The following NR2C2 variants were observed in gnomAD, a reference collection of about 807,000 sequenced individuals.
NR2C2 encodes the protein nuclear receptor subfamily 2 group C member 2.
NR2C2 carries 6 observed loss-of-function variants against 62.9 expected under a neutral mutation model. The ratio of observed to expected loss-of-function variants is 0.10; its 90% confidence interval spans 0.05 to 0.19. The LOEUF (loss-of-function observed/expected upper bound fraction) is 0.19. Ranked by LOEUF, NR2C2 falls within the 10% of genes least tolerant of loss-of-function variation. The pLI, the probability that NR2C2 is intolerant of heterozygous loss-of-function variation, is 1.00. For synonymous variants in NR2C2, 272 were observed against 273.8 expected (o/e 0.99, Z 0.07); for missense variants, 479 against 762.7 (o/e 0.63, Z 4.38).
At chr3:15,033,830 A>G (rs1404143870) in intron 10 of NR2C2, among the ~76,000 whole-genome samples, 1 of 152,074 alleles carries the variant, frequency 6.6e-6, no homozygotes, top group Non-Finnish European at 1.5e-5. Flanking sequence ...ATGTGCTACC[A>G]CATTTAAAGT....
At chr3:15,039,576 T>G (rs945226864) in intron 13 of NR2C2, among the ~76,000 whole-genome samples, 2 of 152,206 alleles carry the variant, frequency 1.3e-5, no homozygotes, top group Admixed American at 1.3e-4. Flanking sequence ...GGGCTAACAC[T>G]GTACATGAGG....
rs2125114695 is a variant in NR2C2, at chr3:15,045,394, G to C, written c.*2386G>C. 1 of 152,824 alleles carries C rather than the reference G, an allele frequency of 6.5e-6. No individual in the cohort carries two copies. The allele number at this position is 152,824 out of a possible 1,614,324, so 9.5% of individuals were successfully genotyped here. ...GGATAAGGAAGTGTTGGGCTGTGGT[G>C]AAACAACCTTGCAGAAAACGTGATT... is the stretch of plus-strand genomic sequence containing the variant. On this transcript the variant is annotated 3_prime_UTR_variant, in exon 14 of 14. Coordinates refer to ENST00000425241, the MANE Select transcript of NR2C2 (RefSeq NM_001291694.2).
rs1425084055 is a variant in NR2C2 at position 15,043,829 on chromosome 3, G to T, written c.*821G>T. The T allele has an allele frequency of 2.0e-5, 3 of 152,220 alleles. No individual in the cohort carries two copies. Among genetic ancestry groups the T allele is most frequent in the South Asian group, 2.1e-4 (1 of 4,830 alleles). 9.4% of individuals were successfully genotyped at this position (152,220 alleles called of 1,614,324 possible). On this transcript the variant is annotated 3_prime_UTR_variant, in exon 14 of 14. Coordinates refer to ENST00000425241, the MANE Select transcript of NR2C2 (RefSeq NM_001291694.2). ...CTTTGATGACTGGTTATCTGAATTG[G>T]ATTGCAACTAGTCAGACATTAACTG...
At chr3:15,003,299 C>T (rs1002182362) in intron 1 of NR2C2, among the ~76,000 whole-genome samples, 1 of 152,116 alleles carries the variant, frequency 6.6e-6, no homozygotes, top group African/African-American at 2.4e-5. Flanking sequence ...TTCAGATACC[C>T]AGGTGACCAC....
rs367748019 is a variant in NR2C2 at position 15,003,879 on chromosome 3, A to G, written c.-36A>G. 1.1e-5 allele frequency: 17 copies of G among 1,606,980 alleles called. No individual in the cohort carries two copies. Among genetic ancestry groups the G allele is most frequent in the Non-Finnish European group, 1.3e-5 (15 of 1,173,770 alleles). On this transcript the variant is annotated 5_prime_UTR_variant, in exon 2 of 14. Transcript: ENST00000425241. ...CCAGCCCACTTCTCACCCACAGGTA[A>G]CACGTACACAGACCTCTCGGCCGGA...
chr3:14,953,094 T>G (rs2039416978), intron 1 of NR2C2, among the ~76,000 whole-genome samples: 1 of 152,246 alleles, frequency 6.6e-6, no homozygotes. Context: ...GGGAATAGGC[T>G]AGCTCAGACA....
At chr3:14,972,404 A>C (rs912915704) in intron 1 of NR2C2, among the ~76,000 whole-genome samples, 3 of 151,408 alleles carry the variant, frequency 2.0e-5, no homozygotes, top group Admixed American at 6.6e-5. Context: ...CAAACTCCTA[A>C]CCTCAAGTGA....
intron 1 of NR2C2, among the ~76,000 whole-genome samples, chr3:15,000,802 C>G (rs1035760875): frequency 6.8e-6 from 1 of 146,054 alleles, no homozygotes; most frequent in Admixed American, 6.9e-5. Context: ...AAATGTCTTT[C>G]TATTTATTTA....
chr3:15,034,669 G>A lies in NR2C2; in HGVS notation c.1233-1G>A, dbSNP rs543975041. 6.2e-7 allele frequency: 1 copy of A among 1,613,870 alleles called. No individual in the cohort carries two copies. Among genetic ancestry groups the A allele is most frequent in the African/African-American group, 1.3e-5 (1 of 75,004 alleles). On this transcript the variant is annotated splice_acceptor_variant, in intron 10 of 13. Transcript: ENST00000425241. LOFTEE classifies it high-confidence loss of function. ...ACTCAGACTCCTTTCTATATTCCTA[G>A]GCAGGACTGCAACACCAGCCTTGTG... is the stretch of plus-strand genomic sequence containing the variant.
intron 1 of NR2C2, among the ~76,000 whole-genome samples, chr3:14,996,631 T>C (rs937692173): frequency 6.6e-6 from 1 of 152,186 alleles, no homozygotes; most frequent in Non-Finnish European, 1.5e-5. Flanking sequence ...AGTGCAGTGG[T>C]GCGATCTCAG....
At chr3:15,003,265 T>C (rs924985180) in intron 1 of NR2C2, among the ~76,000 whole-genome samples, 2 of 152,160 alleles carry the variant, frequency 1.3e-5, no homozygotes, top group Non-Finnish European at 2.9e-5. Context: ...ACACTTTCTA[T>C]CAAGAAAAAA....
intron 1 of NR2C2, among the ~76,000 whole-genome samples, chr3:14,993,664 A>G (rs1574974199): frequency 6.7e-6 from 1 of 149,328 alleles, no homozygotes. Context: ...GGAGTAGGGG[A>G]TCCCAAACAT....
rs181330655 is a variant in NR2C2, at chr3:14,961,115, A to G, written c.-40+13209A>G. Among the ~76,000 whole-genome samples, 313 of 152,342 alleles carry G rather than the reference A, an allele frequency of 2.1e-3. 1 individual carries two copies. Among genetic ancestry groups the G allele is most frequent in the Admixed American group, 2.7e-3 (41 of 15,298 alleles). ...AGAAGTTGGTGCAGTATCTGCTGTC[A>G]CAGAATTTTGACTCCTTGAAGACAG... On this transcript the variant is annotated intron_variant, in intron 1 of 13. Transcript: ENST00000425241.
chr3:15,035,274 G>C (rs1042480148), intron 11 of NR2C2, among the ~76,000 whole-genome samples: 1 of 152,200 alleles, frequency 6.6e-6, no homozygotes, highest in African/African-American at 2.4e-5. Context: ...CTGGGTAATA[G>C]AGCAAGATCC....
intron 1 of NR2C2, among the ~76,000 whole-genome samples, chr3:14,979,144 T>G (rs932712151): frequency 6.6e-5 from 10 of 152,252 alleles, no homozygotes; most frequent in African/African-American, 2.4e-4. Context: ...CCTTGACTAT[T>G]CTTTTTGTCT....
At chr3:14,980,080 C>T (rs1478777223) in intron 1 of NR2C2, among the ~76,000 whole-genome samples, 3 of 152,040 alleles carry the variant, frequency 2.0e-5, no homozygotes, top group Non-Finnish European at 2.9e-5. Context: ...TTATATACTA[C>T]GTGAACTCTG....
chr3:14,999,024 AT>A (rs111921178), intron 1 of NR2C2, among the ~76,000 whole-genome samples: 3 of 151,902 alleles, frequency 2.0e-5, no homozygotes, highest in East Asian at 1.9e-4. Context: ...CAAAAAAAAA[AT>A]TTTTTTTAAG....
intron 12 of NR2C2, 111 bp from the exon 13 acceptor site, chr3:15,039,011 T>G: frequency 1.4e-6 from 1 of 738,752 alleles, no homozygotes; most frequent in Non-Finnish European, 2.3e-6. Flanking sequence ...TTGAGTTCAA[T>G]TTGTTGTACT....
chr3:14,994,251 G>T (rs2040753304), intron 1 of NR2C2, among the ~76,000 whole-genome samples: 2 of 151,856 alleles, frequency 1.3e-5, no homozygotes, highest in Admixed American at 6.6e-5. Flanking sequence ...AGCTTATGAT[G>T]AATTATCACA....
Sources: gnomAD v4.1 joint callset for allele counts (sites outside exome capture counted in the v4.1 genomes callset) on GRCh38, gnomAD v4.1.1 for gene constraint, MANE v1.5 for transcripts, NCBI Gene and HGNC (gene_info 2026-07-23, HGNC 2026-07-21) for gene names.